The following GRIK2 variants were observed in gnomAD, a reference collection of about 807,000 sequenced individuals.
GRIK2 encodes the protein glutamate receptor ionotropic, kainate 2.
GRIK2 carries 32 observed loss-of-function variants against 100.3 expected under a neutral mutation model. The ratio of observed to expected loss-of-function variants is 0.32; its 90% CI spans 0.24 to 0.43. The LOEUF is 0.43. Among genes scored for constraint, GRIK2 ranks in the 20% least tolerant of loss-of-function variants. GRIK2 has a pLI of 1.00. For missense variants in GRIK2, 843 were observed against 1,114.9 expected, an observed-to-expected ratio of 0.76 and a Z score of 3.47; for synonymous variants, 417 against 389.4, an observed-to-expected ratio of 1.07 and a Z score of -0.83.
chr6:101,933,918 A>C (rs987897354), intron 14 of GRIK2, among the ~76,000 whole-genome samples: 1 of 151,838 alleles, frequency 6.6e-6, no homozygotes, highest in African/African-American at 2.4e-5. Context: ...CCTAGGTAGA[A>C]CGTTTTAATT....
chr6:101,864,830 A>G (rs1194372450), intron 11 of GRIK2, among the ~76,000 whole-genome samples: 2 of 152,156 alleles, frequency 1.3e-5, no homozygotes. Context: ...GAAAAGGGGC[A>G]TTTAAAAACA....
intron 4 of GRIK2, among the ~76,000 whole-genome samples, chr6:101,656,041 GC>G (rs1782047444): frequency 6.6e-6 from 1 of 152,096 alleles, no homozygotes. Context: ...GGTGGCTCAT[GC>G]CCAAAATCCC....
intron 2 of GRIK2, among the ~76,000 whole-genome samples, chr6:101,446,485 A>G (rs1029010416): frequency 7.2e-5 from 11 of 151,890 alleles, no homozygotes; most frequent in African/African-American, 2.6e-4. Flanking sequence ...CTCTTCAGTG[A>G]TAGTTTTTTT....
intron 14 of GRIK2, among the ~76,000 whole-genome samples, chr6:102,034,022 T>C (rs1770133248): frequency 6.6e-6 from 1 of 151,386 alleles, no homozygotes; most frequent in African/African-American, 2.4e-5. Context: ...AATGGATTTG[T>C]GTACTATTAT....
intron 7 of GRIK2, among the ~76,000 whole-genome samples, chr6:101,722,190 A>T (rs1045536694): frequency 1.3e-5 from 2 of 151,954 alleles, no homozygotes; most frequent in African/African-American, 4.8e-5. Flanking sequence ...AAGAGAGAAA[A>T]ATTATGGTAT....
chr6:101,579,849 TAAAAAAA>T (rs756184787), intron 2 of GRIK2, among the ~76,000 whole-genome samples: 76 of 128,900 alleles, frequency 5.9e-4, no homozygotes, highest in African/African-American at 2.0e-3. Context: ...GACTGTGTCT[TAAAAAAA>T]AAAAAAAAAA....
intron 2 of GRIK2, among the ~76,000 whole-genome samples, chr6:101,441,975 A>G (rs995556229): frequency 2.4e-4 from 37 of 151,584 alleles, no homozygotes; most frequent in South Asian, 6.2e-4. Flanking sequence ...AAAAAAAAAA[A>G]AGGGGTGAAC....
intron 7 of GRIK2, among the ~76,000 whole-genome samples, chr6:101,716,697 T>C (rs141740902): frequency 9.4e-4 from 143 of 151,630 alleles, no homozygotes; most frequent in Middle Eastern, 3.4e-3. Flanking sequence ...CATGTATACA[T>C]ATGTAACAAA....
intron 4 of GRIK2, among the ~76,000 whole-genome samples, chr6:101,655,700 A>T (rs1331377141): frequency 6.6e-6 from 1 of 152,182 alleles, no homozygotes; most frequent in Non-Finnish European, 1.5e-5. Context: ...ATAGACATGT[A>T]CTTAGGGTAC....
At chr6:101,626,294 C>T (rs1300167891) in intron 3 of GRIK2, 86 bp from the exon 4 acceptor site, 11 of 1,158,990 alleles carry the variant, frequency 9.5e-6, no homozygotes, top group Non-Finnish European at 1.2e-5. Flanking sequence ...AGAATGATAC[C>T]TTTGGGTTTA....
intron 2 of GRIK2, among the ~76,000 whole-genome samples, chr6:101,437,852 C>T (rs1769823904): frequency 6.6e-6 from 1 of 151,968 alleles, no homozygotes. Context: ...CCTTATATAC[C>T]CTTCCAAGAT....
Position 102,006,390 on chromosome 6 carries a change from A to ATATTTTTTT in GRIK2, c.2086-28950_2086-28949insATTTTTTTT, listed in dbSNP as rs1315524835. 1.5e-3 allele frequency among the ~76,000 whole-genome samples: 173 copies of ATATTTTTTT among 114,074 alleles called. 2 individuals carry two copies. Among genetic ancestry groups the ATATTTTTTT allele is most frequent in the African/African-American group, 7.6e-3 (167 of 21,890 alleles). The allele number at this position is 114,074 out of a possible 152,430, so 74.8% of individuals were successfully genotyped here. On this transcript the variant is annotated intron_variant, in intron 14 of 16. Transcript: ENST00000369134. The stretch of plus-strand genomic sequence containing the variant: ...CTTTTATATATATATATATATATAT[A>ATATTTTTTT]TTTTTTTTTTTTTTGAGACATACAG...
At chr6:101,816,036 C>T (rs2128420686) in intron 9 of GRIK2, among the ~76,000 whole-genome samples, 1 of 152,192 alleles carries the variant, frequency 6.6e-6, no homozygotes, top group Non-Finnish European at 1.5e-5. Context: ...GTTGAGTGAA[C>T]ATTTAGCTAA....
chr6:101,988,078 T>A (rs1250803037), intron 14 of GRIK2, among the ~76,000 whole-genome samples: 2 of 150,790 alleles, frequency 1.3e-5, no homozygotes, highest in Non-Finnish European at 3.0e-5. Context: ...TCAGGGCTTA[T>A]GCCAGTATTA....
At chr6:101,653,373 C>T (rs867713495) in intron 4 of GRIK2, among the ~76,000 whole-genome samples, 1 of 151,988 alleles carries the variant, frequency 6.6e-6, no homozygotes. Flanking sequence ...GGCCCAGCCT[C>T]TGCTTACTCC....
intron 4 of GRIK2, among the ~76,000 whole-genome samples, chr6:101,652,530 T>C (rs1781850238): frequency 6.6e-6 from 1 of 152,150 alleles, no homozygotes; most frequent in African/African-American, 2.4e-5. Context: ...ATTTGATGAT[T>C]ATATATACAG....
chr6:101,568,954 T>C (rs1002525735), intron 2 of GRIK2, among the ~76,000 whole-genome samples: 2 of 151,964 alleles, frequency 1.3e-5, no homozygotes, highest in African/African-American at 4.8e-5. Context: ...TGGAGTCCTG[T>C]GTTTCAACAG....
rs72957151 is a variant in GRIK2 at position 101,520,791 on chromosome 6, C to T, written c.116-101158C>T. Reference sequence around the variant, plus strand: ...ATATTCTCTATAATACAATGCTATGCAATGGCACATGACATGATTGCAGTG... The same window carrying T: ...ATATTCTCTATAATACAATGCTATGTAATGGCACATGACATGATTGCAGTG... On this transcript the variant is annotated intron_variant, in intron 2 of 16. Transcript: ENST00000369134. 5.7e-3 allele frequency among the ~76,000 whole-genome samples: 863 copies of T among 152,146 alleles called. 10 individuals are homozygous for T. Among genetic ancestry groups the T allele is most frequent in the Non-Finnish European group, 9.0e-3 (614 of 67,954 alleles).
intron 7 of GRIK2, among the ~76,000 whole-genome samples, chr6:101,688,138 TATA>T (rs1326273882): frequency 2.0e-5 from 3 of 148,192 alleles, no homozygotes; most frequent in Non-Finnish European, 3.0e-5. Context: ...ATTTATATAT[TATA>T]ATAGCTTTCT....
Sources: gnomAD v4.1 joint callset for allele counts (sites outside exome capture counted in the v4.1 genomes callset) on GRCh38, gnomAD v4.1.1 for gene constraint, MANE v1.5 for transcripts, NCBI Gene and HGNC (gene_info 2026-07-23, HGNC 2026-07-21) for gene names.